DLG2: variants seen among roughly 807,000 people sequenced by gnomAD.
DLG2 encodes discs large MAGUK scaffold protein 2, also known as disks large homolog 2.
A neutral mutation model predicts 132.5 loss-of-function variants in DLG2; 45 were observed. The observed-to-expected ratio is 0.34, with a 90% confidence interval of 0.27 to 0.44. The LOEUF (loss-of-function observed/expected upper bound fraction) is 0.44, where lower values mean the gene tolerates loss of function less well. DLG2 is among the 20% of genes least tolerant of loss of function. DLG2 has a pLI of 1.00. For synonymous variants in DLG2, 424 were observed against 419.6 expected, an observed-to-expected ratio of 1.01 and a Z score of -0.13; for missense variants, 1,045 against 1,196.9, an observed-to-expected ratio of 0.87 and a Z score of 1.87.
chr11:84,521,928 A>G (rs376290354), intron 7 of DLG2, among the ~76,000 whole-genome samples: 2 of 152,208 alleles, frequency 1.3e-5, no homozygotes, highest in East Asian at 1.9e-4. Context: ...TGGGAGGCCA[A>G]GGTGGGCAGA....
rs140724117 is a variant in DLG2, at chr11:84,059,349, G to A, written c.885C>T (p.Thr295=). The stretch of plus-strand genomic sequence containing the variant: ...CTTTGAACAGTTTGATTTCCACAAC[G>A]GTCTCCAAAATAGGTCGTCTTCTAC... ...YVRRRRPILE[T]VVEIKLFKGP... Residue 295 remains threonine (T), a synonymous_variant, in exon 11 of 28, where the codon ACC becomes ACT. Coordinates refer to ENST00000376104, the MANE Select transcript of DLG2 (RefSeq NM_001142699.3). The A allele has an allele frequency of 2.0e-5, 32 of 1,613,264 alleles. 1 individual carries two copies. Among genetic ancestry groups the A allele is most frequent in the African/African-American group, 1.2e-4 (9 of 74,812 alleles).
At chr11:85,132,970 A>G (rs1437859392) in intron 5 of DLG2, 2 of 357,858 alleles carry the variant, frequency 5.6e-6, no homozygotes, top group East Asian at 1.5e-4. Context: ...ATACAGCTCA[A>G]GGCAAGCAGG....
intron 3 of DLG2, among the ~76,000 whole-genome samples, chr11:85,433,675 T>C (rs2091318269): frequency 6.6e-6 from 1 of 152,224 alleles, no homozygotes; most frequent in South Asian, 2.1e-4. Flanking sequence ...AAACAAGTTC[T>C]TACAGACCTA....
At chr11:84,902,606 A>C (rs186710170) in intron 6 of DLG2, among the ~76,000 whole-genome samples, 1 of 152,224 alleles carries the variant, frequency 6.6e-6, no homozygotes, top group Non-Finnish European at 1.5e-5. Context: ...GCCCTGGGAA[A>C]TGTTATCCAC....
At chr11:85,257,959 G>C (rs1190312379) in intron 4 of DLG2, among the ~76,000 whole-genome samples, 3 of 152,124 alleles carry the variant, frequency 2.0e-5, no homozygotes, top group Admixed American at 6.6e-5. Context: ...TGAGTTTCAA[G>C]TAGCTGGAAC....
At chr11:85,356,049 T>C (rs951506731) in intron 3 of DLG2, among the ~76,000 whole-genome samples, 1 of 152,184 alleles carries the variant, frequency 6.6e-6, no homozygotes, top group Non-Finnish European at 1.5e-5. Context: ...AGAATCTGAA[T>C]CTCATTTTAA....
chr11:84,439,003 T>C (rs2099009606), intron 7 of DLG2, among the ~76,000 whole-genome samples: 1 of 152,126 alleles, frequency 6.6e-6, no homozygotes, highest in African/African-American at 2.4e-5. Flanking sequence ...AAAAGTATAT[T>C]GTAAAGGATG....
At chr11:83,863,418 T>G (rs1178075952) in intron 16 of DLG2, among the ~76,000 whole-genome samples, 2 of 152,142 alleles carry the variant, frequency 1.3e-5, no homozygotes, top group Non-Finnish European at 2.9e-5. Context: ...TCTTCCACAT[T>G]ACTGATTGTA....
intron 7 of DLG2, among the ~76,000 whole-genome samples, chr11:84,282,449 G>A (rs979287348): frequency 4.6e-5 from 7 of 151,824 alleles, no homozygotes; most frequent in Non-Finnish European, 1.0e-4. Context: ...GAGGGGTGAT[G>A]GATATGCTTA....
chr11:83,732,047 G>C (rs1290560256), intron 18 of DLG2, among the ~76,000 whole-genome samples: 1 of 152,104 alleles, frequency 6.6e-6, no homozygotes, highest in Non-Finnish European at 1.5e-5. Flanking sequence ...CTAATAATTT[G>C]ATTTTGCTGA....
rs527897432 is a variant in DLG2 at position 83,871,025 on chromosome 11, C to A, written c.1565+3395G>T. 1.1e-3 allele frequency among the ~76,000 whole-genome samples: 168 copies of A among 152,302 alleles called. 2 individuals carry two copies. The highest frequency in any genetic ancestry group is 6.8e-3 in the Middle Eastern group (2 of 294). ...TTACTTTGTTTTTCACCGATCAATACCCTTCAATCAGCTTTCTGTTGCAAA... is the reference window on the plus strand; with the variant it reads ...TTACTTTGTTTTTCACCGATCAATAACCTTCAATCAGCTTTCTGTTGCAAA... On this transcript the variant is annotated intron_variant, in intron 16 of 27. Transcript: ENST00000376104.
chr11:83,783,831 T>C (rs1423401948), intron 18 of DLG2, among the ~76,000 whole-genome samples: 2 of 152,182 alleles, frequency 1.3e-5, no homozygotes, highest in Admixed American at 6.5e-5. Context: ...TTCAGGCTTA[T>C]CCTTTCTCTG....
intron 19 of DLG2, among the ~76,000 whole-genome samples, chr11:83,543,869 G>T (rs2096159711): frequency 6.6e-6 from 1 of 152,158 alleles, no homozygotes; most frequent in South Asian, 2.1e-4. Context: ...GCCCTTGGCT[G>T]ACATCTGGAA....
At chr11:83,782,166 C>A (rs1389263544) in intron 18 of DLG2, among the ~76,000 whole-genome samples, 1 of 152,126 alleles carries the variant, frequency 6.6e-6, no homozygotes, top group Non-Finnish European at 1.5e-5. Context: ...ATGTCCAAAC[C>A]AGGGATTCAA....
At chr11:85,497,221 G>T (rs1461654028) in intron 3 of DLG2, among the ~76,000 whole-genome samples, 2 of 151,922 alleles carry the variant, frequency 1.3e-5, no homozygotes, top group African/African-American at 4.8e-5. Context: ...AGCCAGTGTA[G>T]AGAAGAACTT....
rs528762900 is a variant in DLG2 at position 85,384,703 on chromosome 11, G to C, written c.41-99338C>G. Among the ~76,000 whole-genome samples, 20 of 152,296 alleles carry C rather than the reference G, an allele frequency of 1.3e-4. No homozygotes were observed. The East Asian group carries it at 3.7e-3, about 28-fold the overall frequency. On this transcript the variant is annotated intron_variant, in intron 3 of 27. Coordinates refer to ENST00000376104, the MANE Select transcript of DLG2 (RefSeq NM_001142699.3). ...CCTGCCTTAACCCCCAAGTAGGTGG[G>C]ACTACAGGTGCATGCCACCATGCTG...
At chr11:83,958,502 T>G (rs2087538589) in intron 14 of DLG2, among the ~76,000 whole-genome samples, 1 of 152,180 alleles carries the variant, frequency 6.6e-6, no homozygotes, top group Admixed American at 6.5e-5. Context: ...ATATATCTTT[T>G]ACAGTTATAA....
intron 15 of DLG2, among the ~76,000 whole-genome samples, chr11:83,883,049 T>C (rs189540112): frequency 2.0e-5 from 3 of 152,270 alleles, no homozygotes; most frequent in Non-Finnish European, 2.9e-5. Flanking sequence ...CAATCAAGCA[T>C]GTTTGTCCCA....
At chr11:85,223,714 C>T (rs2074805155) in intron 4 of DLG2, among the ~76,000 whole-genome samples, 1 of 152,090 alleles carries the variant, frequency 6.6e-6, no homozygotes, top group Non-Finnish European at 1.5e-5. Context: ...CTTACTAAAA[C>T]ATCTGGACCA....
Sources: allele counts gnomAD v4.1 joint callset (sites outside exome capture counted in the v4.1 genomes callset), GRCh38; gene constraint gnomAD v4.1.1; transcripts MANE v1.5; gene names NCBI Gene and HGNC (gene_info 2026-07-23, HGNC 2026-07-21).